Variants in LRMDA observed in about 807,000 individuals in gnomAD.
The protein encoded by LRMDA is leucine rich melanocyte differentiation associated, also known as leucine-rich melanocyte differentiation-associated protein.
Under a neutral mutation model 29.8 loss-of-function variants are expected in LRMDA, and 18 were observed. The ratio of observed to expected loss-of-function variants is 0.60; its 90% CI spans 0.42 to 0.90. LRMDA has a LOEUF of 0.90. Among genes scored for constraint, LRMDA ranks in the 40% least tolerant of loss-of-function variants. The probability of loss-of-function intolerance (pLI) is 0.00; values close to 1 mark genes in which losing one functional copy is unlikely to be tolerated. For missense variants in LRMDA, 273 were observed against 273.9 expected (o/e 1.00, Z 0.02); for synonymous variants, 125 against 109.4 (o/e 1.14, Z -0.89).
intron 5 of LRMDA, among the ~76,000 whole-genome samples, chr10:76,059,691 A>G (rs201238086): frequency 1.2e-3 from 188 of 152,332 alleles, no homozygotes; most frequent in African/African-American, 4.4e-3. Flanking sequence ...AGCACTCTGC[A>G]TGTGCATTGG....
intron 2 of LRMDA, among the ~76,000 whole-genome samples, chr10:76,025,635 A>G (rs905860456): frequency 1.3e-5 from 2 of 152,160 alleles, no homozygotes; most frequent in African/African-American, 4.8e-5. Flanking sequence ...TTTTGGTAGC[A>G]AATCAGCTTT....
intron 2 of LRMDA, among the ~76,000 whole-genome samples, chr10:75,812,195 C>T (rs1244955964): frequency 7.5e-6 from 1 of 132,494 alleles, no homozygotes; most frequent in African/African-American, 2.9e-5. Flanking sequence ...TCAATAAAAA[C>T]TCCTGCCTTT....
intron 2 of LRMDA, among the ~76,000 whole-genome samples, chr10:75,556,231 GA>G (rs201600868): frequency 3.0e-4 from 45 of 150,354 alleles, no homozygotes; most frequent in Admixed American, 1.6e-3. Flanking sequence ...CTTCCAAAAA[GA>G]AAAAAAAATC....
At chr10:75,690,899 G>A (rs1017978562) in intron 2 of LRMDA, among the ~76,000 whole-genome samples, 1 of 149,638 alleles carries the variant, frequency 6.7e-6, no homozygotes, top group African/African-American at 2.5e-5. Context: ...CTTGAGCCCA[G>A]GAGTTTGAGG....
chr10:75,759,649 A>G (rs1843071974), intron 2 of LRMDA, among the ~76,000 whole-genome samples: 1 of 152,224 alleles, frequency 6.6e-6, no homozygotes, highest in South Asian at 2.1e-4. Context: ...ATGAATTTTA[A>G]CACTCACTTT....
chr10:75,958,961 C>T (rs1205246466), intron 2 of LRMDA, among the ~76,000 whole-genome samples: 3 of 152,246 alleles, frequency 2.0e-5, no homozygotes, highest in Admixed American at 6.5e-5. Context: ...CTTACTACCG[C>T]GAGAACAGTA....
intron 5 of LRMDA, among the ~76,000 whole-genome samples, chr10:76,247,371 G>T (rs937524756): frequency 1.3e-5 from 2 of 152,144 alleles, no homozygotes; most frequent in African/African-American, 4.8e-5. Flanking sequence ...AGGTAGTCTG[G>T]CTATTAACCA....
chr10:75,967,978 T>C (rs187228886), intron 2 of LRMDA, among the ~76,000 whole-genome samples: 2 of 152,248 alleles, frequency 1.3e-5, no homozygotes, highest in African/African-American at 4.8e-5. Flanking sequence ...GCTAACTCTG[T>C]GGGTATTCCT....
chr10:75,963,517 C>T lies in LRMDA; in HGVS notation c.132-72491C>T, dbSNP rs1846804010. 2.0e-5 allele frequency among the ~76,000 whole-genome samples: 3 copies of T among 152,164 alleles called. No homozygotes were observed. In the South Asian group the frequency reaches 6.2e-4, roughly 32 times the overall value. ...AATTTTTGATACAATAACCAGGGGT[C>T]CTTGTTGTCATGATGCCCATGCAGT... On this transcript the variant is annotated intron_variant, in intron 2 of 6. Coordinates refer to ENST00000611255, the MANE Select transcript of LRMDA (RefSeq NM_001305581.2).
At chr10:76,325,005 C>A (rs538249951) in intron 6 of LRMDA, among the ~76,000 whole-genome samples, 2 of 152,288 alleles carry the variant, frequency 1.3e-5, no homozygotes, top group African/African-American at 4.8e-5. Flanking sequence ...TTTTCCAAAG[C>A]CTTGCATGTC....
chr10:76,235,878 A>G (rs1370760792), intron 5 of LRMDA, among the ~76,000 whole-genome samples: 1 of 152,210 alleles, frequency 6.6e-6, no homozygotes, highest in African/African-American at 2.4e-5. Flanking sequence ...TTTCCTTTAC[A>G]GATGTAAGTT....
chr10:76,428,739 C>T lies in LRMDA; in HGVS notation c.601+104254C>T, dbSNP rs377593501. Among the ~76,000 whole-genome samples the T allele has an allele frequency of 4.6e-5, 7 of 152,136 alleles. No individual in the cohort carries two copies. In the East Asian group the frequency reaches 7.7e-4, roughly 17 times the overall value. ...TTAGCAAGGCATGGAACTTCTAGCA[C>T]GTGGCTGCTGGCAAAAGCTCAAATA... On this transcript the variant is annotated intron_variant, in intron 6 of 6. Coordinates refer to ENST00000611255, the MANE Select transcript of LRMDA (RefSeq NM_001305581.2).
At chr10:75,497,355 A>G (rs1389729971) in intron 2 of LRMDA, among the ~76,000 whole-genome samples, 1 of 152,098 alleles carries the variant, frequency 6.6e-6, no homozygotes, top group Non-Finnish European at 1.5e-5. Context: ...ACCTCTAGCC[A>G]TCCATCAATC....
At chr10:75,689,890 T>A (rs1842123982) in intron 2 of LRMDA, among the ~76,000 whole-genome samples, 2 of 152,198 alleles carry the variant, frequency 1.3e-5, no homozygotes, top group South Asian at 4.1e-4. Context: ...GTTCCCCACA[T>A]GCATGTGTGA....
At chr10:76,547,709 G>C (rs535062289) in intron 6 of LRMDA, among the ~76,000 whole-genome samples, 1 of 152,138 alleles carries the variant, frequency 6.6e-6, no homozygotes, top group Admixed American at 6.5e-5. Flanking sequence ...CTCAAACATT[G>C]AGAAAGAAAC....
chr10:76,390,798 C>G (rs1841714884), intron 6 of LRMDA, among the ~76,000 whole-genome samples: 1 of 152,120 alleles, frequency 6.6e-6, no homozygotes, highest in Non-Finnish European at 1.5e-5. Flanking sequence ...GCCCCCTTCC[C>G]CTCTGATTTA....
chr10:75,856,647 ACT>A (rs1194816335), intron 2 of LRMDA, among the ~76,000 whole-genome samples: 2 of 152,100 alleles, frequency 1.3e-5, no homozygotes, highest in African/African-American at 4.8e-5. Context: ...CATGCTAAAA[ACT>A]CTCAATAAAT....
intron 2 of LRMDA, among the ~76,000 whole-genome samples, chr10:75,984,804 A>T (rs1488411011): frequency 2.0e-5 from 3 of 152,214 alleles, no homozygotes; most frequent in Non-Finnish European, 2.9e-5. Context: ...TCAAACCCCC[A>T]GTCTGAGAGA....
At chr10:75,535,250 A>G (rs1181250310) in intron 2 of LRMDA, among the ~76,000 whole-genome samples, 1 of 152,112 alleles carries the variant, frequency 6.6e-6, no homozygotes, top group African/African-American at 2.4e-5. Context: ...ATTTCAACCA[A>G]GTTTTTCTTC....
Sources: gnomAD v4.1 joint callset for allele counts (sites outside exome capture counted in the v4.1 genomes callset) on GRCh38, gnomAD v4.1.1 for gene constraint, MANE v1.5 for transcripts, NCBI Gene and HGNC (gene_info 2026-07-23, HGNC 2026-07-21) for gene names.